Variants in MAN2A1 observed in about 807,000 individuals in gnomAD.
The protein encoded by MAN2A1 is alpha-mannosidase 2.
In MAN2A1, 76 loss-of-function variants were observed where a neutral mutation model predicts 142.6. The ratio of observed to expected loss-of-function variants is 0.53; its 90% confidence interval spans 0.44 to 0.65. MAN2A1 has a LOEUF of 0.65. Ranked by LOEUF, MAN2A1 falls within the 30% of genes least tolerant of loss-of-function variation. MAN2A1 has a pLI of 0.00. For missense variants in MAN2A1, 1,311 were observed against 1,365.1 expected (o/e 0.96, Z 0.62); for synonymous variants, 559 against 473.2 (o/e 1.18, Z -2.35).
intron 15 of MAN2A1, among the ~76,000 whole-genome samples, chr5:109,823,074 CAT>C (rs1754670230): frequency 1.3e-5 from 2 of 152,190 alleles, no homozygotes; most frequent in South Asian, 4.1e-4. Context: ...TATAATTACT[CAT>C]AAATGTTTTA....
At chr5:109,842,506 G>A in intron 17 of MAN2A1, 45 bp downstream of exon 17, 2 of 1,323,852 alleles carry the variant, frequency 1.5e-6, no homozygotes, top group Non-Finnish European at 2.1e-6. Flanking sequence ...GTATTGGTGT[G>A]TAATTCTTAT....
intron 4 of MAN2A1, among the ~76,000 whole-genome samples, chr5:109,735,895 T>TG (rs987744728): frequency 6.7e-6 from 1 of 148,908 alleles, no homozygotes; most frequent in African/African-American, 2.5e-5. Flanking sequence ...TTTTTTTTTT[T>TG]TTTTCCCTCT....
intron 4 of MAN2A1, 93 bp downstream of exon 4, chr5:109,729,606 G>T: frequency 4.5e-6 from 3 of 668,748 alleles, no homozygotes; most frequent in Non-Finnish European, 7.0e-6. Context: ...AAAATTCTTA[G>T]CTTTATATTT....
intron 12 of MAN2A1, among the ~76,000 whole-genome samples, chr5:109,806,526 T>G (rs1754170717): frequency 6.6e-6 from 1 of 152,232 alleles, no homozygotes; most frequent in Non-Finnish European, 1.5e-5. Context: ...TATATTTGAC[T>G]TACTGCTTTG....
chr5:109,769,224 C>G (rs1294385290), intron 6 of MAN2A1, among the ~76,000 whole-genome samples: 1 of 152,110 alleles, frequency 6.6e-6, no homozygotes, highest in Non-Finnish European at 1.5e-5. Flanking sequence ...AAACAGCTGA[C>G]AGCACTGAAG....
intron 16 of MAN2A1, among the ~76,000 whole-genome samples, chr5:109,834,339 T>G (rs1755005753): frequency 6.6e-6 from 1 of 152,168 alleles, no homozygotes; most frequent in African/African-American, 2.4e-5. Context: ...CCTTATTTAT[T>G]TTATCTATTT....
chr5:109,696,730 G>C (rs1750822726), intron 1 of MAN2A1, among the ~76,000 whole-genome samples: 2 of 152,178 alleles, frequency 1.3e-5, no homozygotes, highest in South Asian at 4.1e-4. Flanking sequence ...CATCCCTGTT[G>C]AAACTGTGTT....
At chr5:109,851,746 G>GCTA (rs1302522317) in intron 19 of MAN2A1, among the ~76,000 whole-genome samples, 4 of 152,084 alleles carry the variant, frequency 2.6e-5, no homozygotes, top group African/African-American at 4.8e-5. Flanking sequence ...CCCCTTTCCT[G>GCTA]CTACTGGTTG....
At chr5:109,695,372 G>A (rs981930477) in intron 1 of MAN2A1, among the ~76,000 whole-genome samples, 3 of 152,084 alleles carry the variant, frequency 2.0e-5, no homozygotes, top group African/African-American at 7.2e-5. Context: ...GAGGTGTCTG[G>A]GCTGTGGGCA....
chr5:109,716,958 G>A (rs2269201), intron 3 of MAN2A1, among the ~76,000 whole-genome samples: 3 of 146,650 alleles, frequency 2.0e-5, no homozygotes, highest in African/African-American at 5.0e-5. Flanking sequence ...CCCTGACCCC[G>A]CCCTGCCAAG....
chr5:109,865,478 T>C (rs775172709), intron 21 of MAN2A1: 12 of 271,774 alleles, frequency 4.4e-5, no homozygotes, highest in Non-Finnish European at 7.2e-5. Flanking sequence ...TGCTCACATA[T>C]CATCTAGTTC....
intron 12 of MAN2A1, among the ~76,000 whole-genome samples, chr5:109,790,705 C>A (rs942430908): frequency 2.6e-5 from 4 of 151,998 alleles, no homozygotes; most frequent in Admixed American, 2.0e-4. Flanking sequence ...ATTAGTAAAT[C>A]TATTTGGCTT....
At chr5:109,694,212 G>A (rs776449787) in intron 1 of MAN2A1, among the ~76,000 whole-genome samples, 1 of 152,212 alleles carries the variant, frequency 6.6e-6, no homozygotes, top group African/African-American at 2.4e-5. Flanking sequence ...TTGAGACTCC[G>A]ATGGAAAATG....
intron 3 of MAN2A1, among the ~76,000 whole-genome samples, chr5:109,728,070 T>C (rs1751795460): frequency 2.0e-5 from 3 of 152,198 alleles, no homozygotes; most frequent in Admixed American, 2.0e-4. Flanking sequence ...TATATTTCTA[T>C]TTGGCCTATA....
At chr5:109,807,676 G>A (rs181390214) in intron 12 of MAN2A1, among the ~76,000 whole-genome samples, 13 of 152,146 alleles carry the variant, frequency 8.5e-5, no homozygotes, top group African/African-American at 3.1e-4. Context: ...AGACAGCCCC[G>A]AATGAGCTCC....
chr5:109,841,533 C>G (rs766330886), intron 16 of MAN2A1, among the ~76,000 whole-genome samples: 4 of 152,166 alleles, frequency 2.6e-5, no homozygotes, highest in Non-Finnish European at 5.9e-5. Context: ...ATTTCCTCTT[C>G]TCTATCTATG....
chr5:109,831,815 G>A (rs1754914605), intron 16 of MAN2A1, among the ~76,000 whole-genome samples: 1 of 151,910 alleles, frequency 6.6e-6, no homozygotes, highest in African/African-American at 2.4e-5. Context: ...ATGTGTGTGT[G>A]TGTGTGTGTG....
At chr5:109,737,115 A>G (rs1752124696) in intron 4 of MAN2A1, among the ~76,000 whole-genome samples, 1 of 83,354 alleles carries the variant, frequency 1.2e-5, no homozygotes, top group Non-Finnish European at 2.3e-5. Context: ...TTTTTTTGAG[A>G]CTGAGTCTCG....
chr5:109,859,111 C>T (rs1755694173), intron 20 of MAN2A1, among the ~76,000 whole-genome samples: 1 of 152,068 alleles, frequency 6.6e-6, no homozygotes, highest in Admixed American at 6.6e-5. Context: ...TCTCCATTTC[C>T]TAAATTAGGA....
Sources: allele counts gnomAD v4.1 joint callset (sites outside exome capture counted in the v4.1 genomes callset), GRCh38; gene constraint gnomAD v4.1.1; transcripts MANE v1.5; gene names NCBI Gene and HGNC (gene_info 2026-07-23, HGNC 2026-07-21).